Variants in LYSMD4 observed in about 807,000 individuals in gnomAD.
LYSMD4 encodes LysM domain containing 4.
Under a neutral mutation model 6.1 loss-of-function variants are expected in LYSMD4, and 9 were observed. The ratio of observed to expected loss-of-function variants is 1.47; its 90% CI spans 0.88 to 2.56. The LOEUF (loss-of-function observed/expected upper bound fraction) is 2.56, where lower values mean the gene tolerates loss of function less well. Among genes scored for constraint, LYSMD4 ranks in the 30% most tolerant of loss-of-function variants. The pLI, the probability that LYSMD4 is intolerant of heterozygous loss-of-function variation, is 0.00. For missense variants in LYSMD4, 384 were observed against 373.5 expected (o/e 1.03, Z -0.23); for synonymous variants, 143 against 148.5 (o/e 0.96, Z 0.27).
chr15:99,717,006 G>A lies in LYSMD4; in HGVS notation c.-209C>T, dbSNP rs557459469. Reference sequence around the variant, plus strand: ...TGAGTTTTCAGAGTGTTAGGTGTACGTCCCAGTATGCTGGCAGGCACTTAA... The same window carrying A: ...TGAGTTTTCAGAGTGTTAGGTGTACATCCCAGTATGCTGGCAGGCACTTAA... On this transcript the variant is annotated 5_prime_UTR_variant, in exon 1 of 1. Coordinates refer to the LYSMD4 transcript ENST00000378904. 6 of 231,458 alleles carry A rather than the reference G, an allele frequency of 2.6e-5. No homozygotes were observed. In the East Asian group the frequency reaches 5.4e-4, roughly 21 times the overall value. 14.3% of individuals were successfully genotyped at this position (231,458 alleles called of 1,614,324 possible).
rs1476440875 is a variant in LYSMD4, at chr15:99,728,895, G to A, written c.*228C>T. The A allele has an allele frequency of 5.1e-6, 3 of 587,144 alleles. No homozygotes were observed. The highest frequency in any genetic ancestry group is 3.0e-5 in the Admixed American group (1 of 33,134). 36.4% of individuals were successfully genotyped at this position (587,144 alleles called of 1,614,324 possible). On this transcript the variant is annotated 3_prime_UTR_variant, in exon 3 of 3. Transcript: ENST00000684762. ...GTCACAGGGAAATGGCTCTCTTGCT[G>A]CACCTCTCTGGATAGGGGCCGAGGT...
chr15:99,730,746 A>T (rs541391141), intron 2 of LYSMD4, among the ~76,000 whole-genome samples: 49 of 152,362 alleles, frequency 3.2e-4, no homozygotes, highest in Non-Finnish European at 6.5e-4. Context: ...AAAACTGATC[A>T]CTTATCAAAG....
At chr15:99,725,968 G>C (rs189147271), downstream of LYSMD4, among the ~76,000 whole-genome samples, 1 of 152,234 alleles carries the variant, frequency 6.6e-6, no homozygotes, top group East Asian at 1.9e-4. Context: ...GGGAGGTAGT[G>C]AGGGTAAAGT....
downstream of LYSMD4, among the ~76,000 whole-genome samples, chr15:99,723,905 T>G (rs2059257291): frequency 6.9e-6 from 1 of 144,602 alleles, no homozygotes; most frequent in South Asian, 2.1e-4. Context: ...TCAAATCATG[T>G]CCAGATCACT....
rs371806544 is a variant in LYSMD4, at chr15:99,728,458, G to T, written c.*665C>A. 1 of 153,974 alleles carries T rather than the reference G, an allele frequency of 6.5e-6. No homozygotes were observed. The highest frequency in any genetic ancestry group is 1.4e-5 in the Non-Finnish European group (1 of 69,248). 9.5% of individuals were successfully genotyped at this position (153,974 alleles called of 1,614,324 possible). Reference sequence around the variant, plus strand: ...TGCTTGGCCTGGGAGATGCCTGTGTGTCACACTAAGCCACTCTAAAAGGAC... The same window carrying T: ...TGCTTGGCCTGGGAGATGCCTGTGTTTCACACTAAGCCACTCTAAAAGGAC... On this transcript the variant is annotated 3_prime_UTR_variant, in exon 3 of 3. Transcript: ENST00000684762.
In LYSMD4 at chr15:99,731,622, G is replaced by T. The variant is rs554792412; in HGVS notation, c.282+96C>A. On this transcript the variant is annotated intron_variant, in intron 2 of 2. Transcript: ENST00000684762. ...ACAGCAGGCCTCTCCTGACGGCCTG[G>T]CAGGGTTAAGAAGGGCGGCAAGGGC... The T allele has an allele frequency of 1.4e-5, 22 of 1,521,960 alleles. No individual in the cohort carries two copies. The Middle Eastern group carries it at 6.1e-4, about 42-fold the overall frequency. 94.3% of individuals were successfully genotyped at this position (1,521,960 alleles called of 1,614,324 possible).
At chr15:99,725,371 C>T (rs1450348796), downstream of LYSMD4, among the ~76,000 whole-genome samples, 1 of 152,242 alleles carries the variant, frequency 6.6e-6, no homozygotes, top group Admixed American at 6.5e-5. Context: ...TCCACATTCT[C>T]ACCACCTGTT....
intron 1 of LYSMD4, chr15:99,733,041 G>A (rs767312190): frequency 1.0e-5 from 3 of 300,164 alleles, no homozygotes; most frequent in Middle Eastern, 9.2e-4. Context: ...GCGAAAAGAT[G>A]GGGCACCTCA....
Position 99,729,576 on chromosome 15 carries a change from G to A in LYSMD4, c.438C>T (p.Thr146=), listed in dbSNP as rs113077878. ...CTCTGTCTGCCTCTGGCAGTTCCACGGTCACTGTGGTCTCGGAAGACGGGC... is the reference window on the plus strand; with the variant it reads ...CTCTGTCTGCCTCTGGCAGTTCCACAGTCACTGTGGTCTCGGAAGACGGGC... ...LLSPSSETTV[T]VELPEADRAG... The change falls in exon 3 of 3, where the codon ACC becomes ACT. Residue 146 remains threonine, a synonymous_variant. Transcript: ENST00000684762. 1,188 of 1,614,096 alleles carry A rather than the reference G, an allele frequency of 7.4e-4. 7 individuals are homozygous for A. In the African/African-American group the frequency reaches 0.013, roughly 18 times the overall value.
downstream of LYSMD4, among the ~76,000 whole-genome samples, chr15:99,725,233 T>G (rs1201825794): frequency 6.6e-6 from 1 of 152,176 alleles, no homozygotes; most frequent in Non-Finnish European, 1.5e-5. Flanking sequence ...CTAGACTTCC[T>G]GGCTCCTTAC....
At chr15:99,723,036 G>GTT (rs544219800), downstream of LYSMD4, among the ~76,000 whole-genome samples, 13 of 148,252 alleles carry the variant, frequency 8.8e-5, no homozygotes, top group African/African-American at 2.7e-4. Context: ...GTTTTGTTTT[G>GTT]TTTTTTTTTT....
chr15:99,730,818 C>T (rs1166976830), intron 2 of LYSMD4, among the ~76,000 whole-genome samples: 1 of 152,192 alleles, frequency 6.6e-6, no homozygotes, highest in Non-Finnish European at 1.5e-5. Context: ...CCATCTATTC[C>T]GGTCTTTGTA....
chr15:99,728,886 T>C lies in LYSMD4; in HGVS notation c.*237A>G. On this transcript the variant is annotated 3_prime_UTR_variant, in exon 3 of 3. Coordinates refer to ENST00000684762, the MANE Select transcript of LYSMD4 (RefSeq NM_001284417.2). ...CCACTAAATGTCACAGGGAAATGGC[T>C]CTCTTGCTGCACCTCTCTGGATAGG... The C allele has an allele frequency of 1.8e-6, 1 of 567,658 alleles. No homozygotes were observed. The highest frequency in any genetic ancestry group is 3.1e-6 in the Non-Finnish European group (1 of 319,964). 35.2% of individuals were successfully genotyped at this position (567,658 alleles called of 1,614,324 possible). A position where few individuals can be genotyped will look rare whatever the true frequency, so the allele number is the denominator to read the frequency against.
chr15:99,728,725 A>G lies in LYSMD4; in HGVS notation c.*398T>C, dbSNP rs1474098322. The G allele has an allele frequency of 4.4e-6, 1 of 228,676 alleles. No individual in the cohort carries two copies. Among genetic ancestry groups the G allele is most frequent in the East Asian group, 9.0e-5 (1 of 11,070 alleles). 14.2% of individuals were successfully genotyped at this position (228,676 alleles called of 1,614,324 possible). On this transcript the variant is annotated 3_prime_UTR_variant, in exon 3 of 3. Coordinates refer to ENST00000684762, the MANE Select transcript of LYSMD4 (RefSeq NM_001284417.2). ...AATCCCCGCTCCACAGGAAGTGAGGATACAGCAAGAGCCAGGCAAGCCGCG... is the reference window on the plus strand; with the variant it reads ...AATCCCCGCTCCACAGGAAGTGAGGGTACAGCAAGAGCCAGGCAAGCCGCG...
At chr15:99,726,099 G>A (rs921983508), downstream of LYSMD4, among the ~76,000 whole-genome samples, 23 of 149,548 alleles carry the variant, frequency 1.5e-4, no homozygotes, top group Admixed American at 4.7e-4. Context: ...GTCATGGCTC[G>A]TTGGGCCTTT....
chr15:99,723,565 C>T (rs1221380278), downstream of LYSMD4, among the ~76,000 whole-genome samples: 6 of 152,196 alleles, frequency 3.9e-5, no homozygotes, highest in East Asian at 1.9e-4. Flanking sequence ...AGAAACACGA[C>T]GAAGCCTCTG....
chr15:99,724,459 C>A (rs1204839933), downstream of LYSMD4, among the ~76,000 whole-genome samples: 1 of 152,204 alleles, frequency 6.6e-6, no homozygotes, highest in Non-Finnish European at 1.5e-5. Context: ...GATGGGGTTT[C>A]ACCATGTTCA....
In LYSMD4 at chr15:99,729,536, C is replaced by T. The variant is rs140745845; in HGVS notation, c.478G>A (p.Gly160Ser). ...PEADRAGAGT[G>S]AQAGQLMGFF... ...CCCATCAGTTGGCCGGCCTGGGCAC[C>T]GGTGCCCGCGCCTGCTCTGTCTGCC... The change falls in exon 3 of 3, where the codon GGT (glycine) becomes AGT (serine). Residue 160 changes from glycine (G) to serine (S), a missense_variant. Physicochemically the swap from Gly to Ser is moderately conservative, Grantham distance 56. Coordinates refer to ENST00000684762, the MANE Select transcript of LYSMD4 (RefSeq NM_001284417.2). 2.8e-5 allele frequency: 45 copies of T among 1,614,056 alleles called. No homozygotes were observed. The highest frequency in any genetic ancestry group is 2.7e-4 in the East Asian group (12 of 44,886).
chr15:99,716,144 C>G (rs2059130933), exon 1 of LYSMD4: 1 of 158,810 alleles, frequency 6.3e-6, no homozygotes, highest in African/African-American at 2.4e-5. Flanking sequence ...CTTCACTTTG[C>G]TGTGCAAGAA....
Sources: gnomAD v4.1 joint callset for allele counts (sites outside exome capture counted in the v4.1 genomes callset) on GRCh38, gnomAD v4.1.1 for gene constraint, MANE v1.5 for transcripts, NCBI Gene and HGNC (gene_info 2026-07-23, HGNC 2026-07-21) for gene names.